The following EPCAM variants were observed in gnomAD, a reference collection of about 807,000 sequenced individuals.
EPCAM encodes the protein adenocarcinoma-associated antigen.
EPCAM carries 39 observed loss-of-function variants against 40.0 expected under a neutral mutation model. That is an observed-to-expected ratio of 0.98 (90% CI 0.76 to 1.27). The LOEUF is 1.27. Ranked by LOEUF, EPCAM falls within the 50% of genes most tolerant of loss-of-function variation. EPCAM has a pLI of 0.00. For synonymous variants in EPCAM, 168 were observed against 132.3 expected, an observed-to-expected ratio of 1.27 and a Z score of -1.85; for missense variants, 503 against 381.2, an observed-to-expected ratio of 1.32 and a Z score of -2.66.
chr2:47,386,365 T>C (rs1671742899), intron 8 of EPCAM, among the ~76,000 whole-genome samples: 1 of 152,218 alleles, frequency 6.6e-6, no homozygotes, highest in African/African-American at 2.4e-5. Flanking sequence ...TTTGGCGATC[T>C]TGTCTCTAAA....
At chr2:47,370,412 G>A (rs909662559) in intron 1 of EPCAM, among the ~76,000 whole-genome samples, 1 of 150,820 alleles carries the variant, frequency 6.6e-6, no homozygotes, top group African/African-American at 2.4e-5. Flanking sequence ...GAGTAGCTGG[G>A]ATTACAGGCG....
intron 1 of EPCAM, among the ~76,000 whole-genome samples, chr2:47,371,989 T>C (rs1402049379): frequency 6.6e-6 from 1 of 152,220 alleles, no homozygotes; most frequent in Admixed American, 6.5e-5. Context: ...GATTGTGCTC[T>C]TTTAACTAGA....
chr2:47,384,056 C>T lies in EPCAM; in HGVS notation c.859-1110C>T, dbSNP rs369911233. Among the ~76,000 whole-genome samples, 5 of 151,932 alleles carry T rather than the reference C, an allele frequency of 3.3e-5. No homozygotes were observed. In the East Asian group the frequency reaches 9.7e-4, roughly 29 times the overall value. ...TTTTGATTTTTGTTTGTTTGTTTCACTTGTCGTGGTAGACTTTTTTTTGTT... is the reference window on the plus strand; with the variant it reads ...TTTTGATTTTTGTTTGTTTGTTTCATTTGTCGTGGTAGACTTTTTTTTGTT... On this transcript the variant is annotated intron_variant, in intron 7 of 8. Coordinates refer to ENST00000263735, the MANE Select transcript of EPCAM (RefSeq NM_002354.3).
At chr2:47,377,868 C>A in intron 5 of EPCAM, 1 of 411,522 alleles carries the variant, frequency 2.4e-6, no homozygotes, top group South Asian at 1.8e-5. Context: ...AATAGTGTGA[C>A]GGAACTCTTT....
chr2:47,375,757 G>T (rs982612754), intron 4 of EPCAM, among the ~76,000 whole-genome samples: 1 of 149,710 alleles, frequency 6.7e-6, no homozygotes, highest in South Asian at 2.1e-4. Flanking sequence ...CCAGGCTGGC[G>T]TGCAGTGGCG....
chr2:47,384,649 C>T (rs1244169202), intron 7 of EPCAM, among the ~76,000 whole-genome samples: 1 of 152,032 alleles, frequency 6.6e-6, no homozygotes, highest in Non-Finnish European at 1.5e-5. Flanking sequence ...ACCTCCTGAC[C>T]TCAAGTGATC....
chr2:47,384,483 G>A (rs1671684324), intron 7 of EPCAM, among the ~76,000 whole-genome samples: 2 of 150,800 alleles, frequency 1.3e-5, no homozygotes, highest in African/African-American at 4.9e-5. Context: ...GCGCCATCTC[G>A]GCTCACTGCA....
intron 7 of EPCAM, among the ~76,000 whole-genome samples, chr2:47,382,367 T>TCA (rs199781446): frequency 0.018 from 2,740 of 152,284 alleles, 74 homozygotes; most frequent in African/African-American, 0.061. Flanking sequence ...GGAAGCACAT[T>TCA]GTTATTGTAT....
rs545818381 is a variant in EPCAM at position 47,385,826 on chromosome 2, G to A, written c.903+616G>A. 1.1e-4 allele frequency among the ~76,000 whole-genome samples: 17 copies of A among 152,294 alleles called. No homozygotes were observed. The East Asian group carries it at 2.3e-3, about 21-fold the overall frequency. On this transcript the variant is annotated intron_variant, in intron 8 of 8. Transcript: ENST00000263735. Reference sequence around the variant, plus strand: ...AAAGGAATATTGGAAAAAGTCTAATGGAACCAGAAAGTTCTAGCATTTTTT... The same window carrying A: ...AAAGGAATATTGGAAAAAGTCTAATAGAACCAGAAAGTTCTAGCATTTTTT...
chr2:47,381,917 C>T (rs4130577), intron 7 of EPCAM, among the ~76,000 whole-genome samples: 11,354 of 152,068 alleles, frequency 0.075, 575 homozygotes, highest in East Asian at 0.14. Context: ...CAGGTATGTG[C>T]CACTATACCT....
rs1289652582 is a variant in EPCAM at position 47,369,470 on chromosome 2, C to T, written c.-36C>T. On this transcript the variant is annotated 5_prime_UTR_variant, in exon 1 of 9. Transcript: ENST00000263735. ...CGCACGCCCTCCCGCGAGTCCCGGG[C>T]CCCTCCCGCGCCCCTCTTCTCGGCG... 5.5e-6 allele frequency: 8 copies of T among 1,458,884 alleles called. No individual in the cohort carries two copies. Among genetic ancestry groups the T allele is most frequent in the Non-Finnish European group, 7.2e-6 (8 of 1,116,156 alleles). 90.4% of individuals were successfully genotyped at this position (1,458,884 alleles called of 1,614,324 possible).
At position 47,378,942 on chromosome 2, in the gene EPCAM, T is replaced by G; in HGVS notation, c.556-11T>G. On this transcript the variant is annotated splice_polypyrimidine_tract_variant and intron_variant, in intron 5 of 8. Transcript: ENST00000263735. Reference sequence around the variant, plus strand: ...TAGTATTAATTTGTATTATTCAATTTTTTTCCCCAGTATGAGAATAATGTT... The same window carrying G: ...TAGTATTAATTTGTATTATTCAATTGTTTTCCCCAGTATGAGAATAATGTT... 1.6e-6 allele frequency: 2 copies of G among 1,216,506 alleles called. No homozygotes were observed. Among genetic ancestry groups the G allele is most frequent in the Non-Finnish European group, 2.4e-6 (2 of 818,548 alleles). The allele number at this position is 1,216,506 out of a possible 1,614,324, so 75.4% of individuals were successfully genotyped here. A position where few individuals can be genotyped will look rare whatever the true frequency, so the allele number is the denominator to read the frequency against.
At position 47,369,361 on chromosome 2, in the gene EPCAM, C is replaced by A; in HGVS notation, c.-145C>A. On this transcript the variant is annotated 5_prime_UTR_variant, in exon 1 of 9. Coordinates refer to ENST00000263735, the MANE Select transcript of EPCAM (RefSeq NM_002354.3). ...GAGCACCTTCGACGCGGTCCGGGGA[C>A]CCCCTCGTCGCTGTCCTCCCGACGC... is the stretch of plus-strand genomic sequence containing the variant. 1 of 1,205,870 alleles carries A rather than the reference C, an allele frequency of 8.3e-7. No individual in the cohort carries two copies. The highest frequency in any genetic ancestry group is 1.1e-6 in the Non-Finnish European group (1 of 921,608). The allele number at this position is 1,205,870 out of a possible 1,614,324, so 74.7% of individuals were successfully genotyped here.
rs2103768666 is a variant in EPCAM, at chr2:47,385,223, C to G, written c.903+13C>G. ...TGAGAAGGCTGAGGTAAATGGATTA[C>G]TTACCTAAATAGAAAGGCCCTGTTG... On this transcript the variant is annotated intron_variant, in intron 8 of 8. Coordinates refer to ENST00000263735, the MANE Select transcript of EPCAM (RefSeq NM_002354.3). 6.2e-7 allele frequency: 1 copy of G among 1,605,402 alleles called. No individual in the cohort carries two copies. Among genetic ancestry groups the G allele is most frequent in the Non-Finnish European group, 8.5e-7 (1 of 1,172,298 alleles).
chr2:47,370,054 G>A (rs930799755), intron 1 of EPCAM, among the ~76,000 whole-genome samples: 2 of 152,230 alleles, frequency 1.3e-5, no homozygotes, highest in African/African-American at 4.8e-5. Flanking sequence ...ACAGGCGCCC[G>A]CAGGGAGGCC....
At chr2:47,385,379 C>T (rs956302417) in intron 8 of EPCAM, among the ~76,000 whole-genome samples, 169 bp downstream of exon 8, 2 of 152,078 alleles carry the variant, frequency 1.3e-5, no homozygotes, top group African/African-American at 4.8e-5. Context: ...AATATTCTTG[C>T]GTGAGTTCCA....
chr2:47,369,455 C>T lies in EPCAM; in HGVS notation c.-51C>T. The T allele has an allele frequency of 7.3e-7, 1 of 1,370,650 alleles. No individual in the cohort carries two copies. The highest frequency in any genetic ancestry group is 9.3e-7 in the Non-Finnish European group (1 of 1,070,692). The allele number at this position is 1,370,650 out of a possible 1,614,324, so 84.9% of individuals were successfully genotyped here. A position where few individuals can be genotyped will look rare whatever the true frequency, so the allele number is the denominator to read the frequency against. ...GTGTCCCACTCCCGGCGCACGCCCT[C>T]CCGCGAGTCCCGGGCCCCTCCCGCG... On this transcript the variant is annotated 5_prime_UTR_variant, in exon 1 of 9. Transcript: ENST00000263735.
intron 7 of EPCAM, among the ~76,000 whole-genome samples, chr2:47,381,402 A>AAG (rs1236636083): frequency 6.6e-6 from 1 of 151,236 alleles, no homozygotes; most frequent in Non-Finnish European, 1.5e-5. Flanking sequence ...CAAAAAAAAA[A>AAG]AAAAAAAAAA....
chr2:47,373,698 C>G (rs1671344416), intron 2 of EPCAM, 110 bp from the exon 3 acceptor site: 4 of 1,501,598 alleles, frequency 2.7e-6, no homozygotes, highest in Non-Finnish European at 3.7e-6. Context: ...AGTGTGGGAA[C>G]ACATAAATTT....
Sources: allele counts gnomAD v4.1 joint callset (sites outside exome capture counted in the v4.1 genomes callset), GRCh38; gene constraint gnomAD v4.1.1; transcripts MANE v1.5; gene names NCBI Gene and HGNC (gene_info 2026-07-23, HGNC 2026-07-21).